Variants in DOCK3 observed in about 807,000 individuals in gnomAD.
DOCK3 encodes the protein dedicator of cytokinesis protein 3.
Under a neutral mutation model 265.6 loss-of-function variants are expected in DOCK3, and 60 were observed. The ratio of observed to expected loss-of-function variants is 0.23; its 90% CI spans 0.18 to 0.28. The LOEUF is 0.28. Among genes scored for constraint, DOCK3 ranks in the 10% least tolerant of loss-of-function variants. DOCK3 has a pLI of 1.00. For synonymous variants in DOCK3, 881 were observed against 938.0 expected, an observed-to-expected ratio of 0.94 and a Z score of 1.11; for missense variants, 1,981 against 2,594.3, an observed-to-expected ratio of 0.76 and a Z score of 5.14.
chr3:50,967,536 G>A (rs891897936), intron 5 of DOCK3, among the ~76,000 whole-genome samples: 1 of 152,072 alleles, frequency 6.6e-6, no homozygotes, highest in Non-Finnish European at 1.5e-5. Context: ...TTTTCACACT[G>A]CTGATAAAGA....
intron 1 of DOCK3, among the ~76,000 whole-genome samples, chr3:50,776,876 C>T (rs780623779): frequency 1.3e-5 from 2 of 152,078 alleles, no homozygotes; most frequent in Non-Finnish European, 2.9e-5. Flanking sequence ...ATACCCAAGA[C>T]TGGGCAATTT....
At chr3:51,094,027 C>T (rs1399623352) in intron 9 of DOCK3, among the ~76,000 whole-genome samples, 14 of 152,138 alleles carry the variant, frequency 9.2e-5, no homozygotes, top group Admixed American at 9.2e-4. Context: ...CCAACTTGAT[C>T]ATGGTGGATA....
At chr3:50,809,171 ATGAGT>A (rs1200506563) in intron 2 of DOCK3, among the ~76,000 whole-genome samples, 1 of 152,220 alleles carries the variant, frequency 6.6e-6, no homozygotes, top group African/African-American at 2.4e-5. Flanking sequence ...AGAAGTCACG[ATGAGT>A]TATTTTACGA....
Position 51,306,364 on chromosome 3 carries a change from C to A in DOCK3, c.2923-3868C>A, listed in dbSNP as rs71329050. On this transcript the variant is annotated intron_variant, in intron 27 of 52. Transcript: ENST00000266037. The stretch of plus-strand genomic sequence containing the variant: ...GATTCTCTTTATTTTTGGCTTTTGA[C>A]ACTTTTGATTCTAATGTGGCTCTAT... Among the ~76,000 whole-genome samples the A allele has an allele frequency of 2.5e-3, 377 of 152,210 alleles. 1 individual carries two copies. Among genetic ancestry groups the A allele is most frequent in the Non-Finnish European group, 4.2e-3 (283 of 68,000 alleles).
chr3:51,203,052 G>A (rs2088911834), intron 12 of DOCK3, among the ~76,000 whole-genome samples: 2 of 152,142 alleles, frequency 1.3e-5, no homozygotes, highest in South Asian at 4.1e-4. Flanking sequence ...CAAACCCACA[G>A]CCAATATCAT....
At chr3:50,948,028 AT>A in intron 5 of DOCK3, among the ~76,000 whole-genome samples, 2 of 76,972 alleles carry the variant, frequency 2.6e-5, no homozygotes, top group South Asian at 8.8e-4. Flanking sequence ...GCTAATTATT[AT>A]TATTATTATT....
intron 5 of DOCK3, among the ~76,000 whole-genome samples, chr3:51,056,189 CG>C (rs2081195449): frequency 6.6e-6 from 1 of 152,020 alleles, no homozygotes; most frequent in Non-Finnish European, 1.5e-5. Context: ...CTATGTTGTT[CG>C]GCAAACTAAA....
intron 5 of DOCK3, among the ~76,000 whole-genome samples, chr3:50,975,362 T>C (rs2077406522): frequency 6.6e-6 from 1 of 150,856 alleles, no homozygotes; most frequent in African/African-American, 2.4e-5. Context: ...GGTTGTTGAA[T>C]TTTGTCAAAG....
chr3:51,213,219 G>A (rs957852209), intron 13 of DOCK3, among the ~76,000 whole-genome samples: 1 of 151,998 alleles, frequency 6.6e-6, no homozygotes, highest in African/African-American at 2.4e-5. Flanking sequence ...TAACTCCCAA[G>A]CTTATAGACC....
At chr3:51,136,667 G>A (rs769693826) in intron 9 of DOCK3, among the ~76,000 whole-genome samples, 8 of 152,078 alleles carry the variant, frequency 5.3e-5, no homozygotes, top group Admixed American at 3.3e-4. Flanking sequence ...CATTTAGCTC[G>A]GTTTCTGCAA....
chr3:50,881,000 C>G (rs921562620), intron 3 of DOCK3, among the ~76,000 whole-genome samples: 1 of 152,162 alleles, frequency 6.6e-6, no homozygotes, highest in South Asian at 2.1e-4. Context: ...TGTAATCCAT[C>G]ACATAAACAG....
intron 4 of DOCK3, among the ~76,000 whole-genome samples, chr3:50,899,962 C>T (rs746362772): frequency 6.6e-6 from 1 of 152,000 alleles, no homozygotes; most frequent in Non-Finnish European, 1.5e-5. Flanking sequence ...TGGGGTTACT[C>T]TTCTTGAGGA....
chr3:50,928,138 T>G (rs2050865619), intron 4 of DOCK3, among the ~76,000 whole-genome samples: 1 of 149,146 alleles, frequency 6.7e-6, no homozygotes, highest in African/African-American at 2.4e-5. Flanking sequence ...GATATATATA[T>G]ATATATATAT....
intron 3 of DOCK3, among the ~76,000 whole-genome samples, chr3:50,884,169 C>T (rs1444957190): frequency 6.6e-6 from 1 of 151,834 alleles, no homozygotes; most frequent in Admixed American, 6.6e-5. Context: ...CGCCTCACTG[C>T]AAACTCTGCC....
chr3:50,884,463 T>A (rs1383734611), intron 3 of DOCK3, among the ~76,000 whole-genome samples: 1 of 152,222 alleles, frequency 6.6e-6, no homozygotes, highest in Non-Finnish European at 1.5e-5. Context: ...TGTAAACAGC[T>A]TTTGGCTATT....
At position 51,238,780 on chromosome 3, in the gene DOCK3, G is replaced by T. The variant is rs2078462112; in HGVS notation, c.2102+1190G>T. Among the ~76,000 whole-genome samples the T allele has an allele frequency of 3.9e-5, 6 of 152,300 alleles. No homozygotes were observed. In the South Asian group the frequency reaches 1.2e-3, roughly 32 times the overall value. Reference sequence around the variant, plus strand: ...CAGCTTCATCCATGTTTCTGCAAAAGACATGATCTCATTCTTTTTTATGGC... The same window carrying T: ...CAGCTTCATCCATGTTTCTGCAAAATACATGATCTCATTCTTTTTTATGGC... On this transcript the variant is annotated intron_variant, in intron 21 of 52. Transcript: ENST00000266037.
At chr3:51,168,864 G>A (rs559823749) in intron 12 of DOCK3, among the ~76,000 whole-genome samples, 3 of 151,426 alleles carry the variant, frequency 2.0e-5, no homozygotes, top group Non-Finnish European at 4.4e-5. Context: ...CCAATATCTA[G>A]CATTGATAAG....
At chr3:51,323,566 A>C in intron 32 of DOCK3, among the ~76,000 whole-genome samples, 1 of 152,206 alleles carries the variant, frequency 6.6e-6, no homozygotes, top group East Asian at 1.9e-4. Flanking sequence ...AAACTGAACA[A>C]CCTGCTCCTG....
At chr3:50,940,086 C>CACACAAACACACACAG in intron 5 of DOCK3, among the ~76,000 whole-genome samples, 1 of 152,098 alleles carries the variant, frequency 6.6e-6, no homozygotes, top group African/African-American at 2.4e-5. Context: ...AACACACACA[C>CACACAAACACACACAG]ACATTCATAT....
Sources: gnomAD v4.1 joint callset for allele counts (sites outside exome capture counted in the v4.1 genomes callset) on GRCh38, gnomAD v4.1.1 for gene constraint, MANE v1.5 for transcripts, NCBI Gene and HGNC (gene_info 2026-07-23, HGNC 2026-07-21) for gene names.